Variants in PFKM observed in about 807,000 individuals in gnomAD.
PFKM encodes phosphofructokinase, muscle.
A neutral mutation model predicts 95.5 loss-of-function variants in PFKM; 58 were observed. The ratio of observed to expected loss-of-function variants is 0.61; its 90% CI spans 0.49 to 0.76. The LOEUF (loss-of-function observed/expected upper bound fraction) is 0.76, where lower values mean the gene tolerates loss of function less well. PFKM is among the 30% of genes least tolerant of loss of function. The pLI is 0.00. For missense variants in PFKM, 678 were observed against 1,005.4 expected (o/e 0.67, Z 4.40); for synonymous variants, 336 against 357.2 (o/e 0.94, Z 0.67).
intron 2 of PFKM, among the ~76,000 whole-genome samples, chr12:48,127,861 C>T (rs1366504564): frequency 1.3e-5 from 2 of 152,306 alleles, no homozygotes; most frequent in South Asian, 4.2e-4. Flanking sequence ...AATGTCCATG[C>T]CTGCAGAACT....
intron 1 of PFKM, 156 bp downstream of exon 1, chr12:48,119,562 G>A: frequency 3.8e-6 from 1 of 264,480 alleles, no homozygotes; most frequent in Non-Finnish European, 5.9e-6. Context: ...GATGGGCAGG[G>A]CAGTCGTGAA....
chr12:48,106,770 C>T (rs1217139617), intron 1 of PFKM, among the ~76,000 whole-genome samples: 4 of 152,120 alleles, frequency 2.6e-5, no homozygotes, highest in Admixed American at 1.3e-4. Context: ...AGATGTAGAA[C>T]CTTCCAGAAC....
chr12:48,138,518 G>C (rs1398410726), intron 11 of PFKM, among the ~76,000 whole-genome samples: 1 of 152,176 alleles, frequency 6.6e-6, no homozygotes, highest in African/African-American at 2.4e-5. Flanking sequence ...AGGAGTCCCA[G>C]TTACCTGCAG....
intron 10 of PFKM, among the ~76,000 whole-genome samples, chr12:48,136,692 C>CTTTTTTTT (rs1166389532): frequency 5.7e-4 from 36 of 63,014 alleles, no homozygotes; most frequent in Non-Finnish European, 7.9e-4. Context: ...GGGGTCGTCA[C>CTTTTTTTT]TTTTTTTTTT....
intron 7 of PFKM, 41 bp downstream of exon 7, chr12:48,134,317 C>T (rs374444302): frequency 1.2e-5 from 19 of 1,550,008 alleles, no homozygotes; most frequent in African/African-American, 5.4e-5. Context: ...GTGGACCTAG[C>T]GATAGCCCTT....
intron 3 of PFKM, among the ~76,000 whole-genome samples, chr12:48,109,339 C>A (rs1489832371): frequency 6.6e-6 from 1 of 150,936 alleles, no homozygotes; most frequent in Non-Finnish European, 1.5e-5. Flanking sequence ...CCCTCCCTTC[C>A]TTCTTTCTTC....
chr12:48,134,599 G>A (rs973932449), intron 7 of PFKM, 122 bp from the exon 8 acceptor site: 7 of 808,358 alleles, frequency 8.7e-6, no homozygotes, highest in African/African-American at 6.8e-5. Flanking sequence ...CTTGCCCCAC[G>A]AATAAAATGG....
upstream of PFKM, among the ~76,000 whole-genome samples, chr12:48,114,546 A>G (rs1172694224): frequency 6.6e-6 from 1 of 152,056 alleles, no homozygotes; most frequent in Non-Finnish European, 1.5e-5. Flanking sequence ...GCGGGGAGCG[A>G]CCTGAGGAGG....
rs370415753 is a variant in PFKM, at chr12:48,141,766, A to G, written c.1439A>G (p.Gln480Arg). ...KRTLPKKSFE[Q>R]ISANITKFNI... Reference sequence around the variant, plus strand: ...ACTCTACCCAAGAAGAGCTTTGAACAGATCAGTGCCAATATAACTAAGTTT... The same window carrying G: ...ACTCTACCCAAGAAGAGCTTTGAACGGATCAGTGCCAATATAACTAAGTTT... Residue 480 changes from glutamine (Q) to arginine (R), a missense_variant, in exon 16 of 23, where the codon CAG becomes CGG. Gln to Arg is a conservative substitution (Grantham distance 43, BLOSUM62 1). Coordinates refer to ENST00000359794, the MANE Select transcript of PFKM (RefSeq NM_000289.6). 123 of 1,613,348 alleles carry G rather than the reference A, an allele frequency of 7.6e-5. 1 individual carries two copies. The highest frequency in any genetic ancestry group is 9.9e-5 in the Non-Finnish European group (117 of 1,179,394).
intron 5 of PFKM, 42 bp downstream of exon 5, chr12:48,133,099 A>T: frequency 6.4e-7 from 1 of 1,566,100 alleles, no homozygotes; most frequent in Non-Finnish European, 8.8e-7. Context: ...TTGTGTCGGT[A>T]CGTGCACGCG....
At chr12:48,143,636 G>A in intron 18 of PFKM, 117 bp from the exon 19 acceptor site, 1 of 804,464 alleles carries the variant, frequency 1.2e-6, no homozygotes, top group Non-Finnish European at 2.2e-6. Context: ...GCCCAGGATT[G>A]TAAACAACTC....
At chr12:48,129,214 T>TC (rs1949181469) in intron 2 of PFKM, among the ~76,000 whole-genome samples, 2 of 59,452 alleles carry the variant, frequency 3.4e-5, no homozygotes, top group Non-Finnish European at 6.4e-5. Context: ...TTCTTTCTTT[T>TC]TTTTTTTTTT....
Position 48,107,962 on chromosome 12 carries a change from G to A in PFKM, c.83-110G>A, listed in dbSNP as rs1050456971. ...GTCTCTAATTTTTCACTGGATTTTT[G>A]GAAAGAAAGCCCTGGACAGCTCAGA... On this transcript the variant is annotated intron_variant, in intron 2 of 24. Transcript: ENST00000340802. The A allele has an allele frequency of 1.4e-5, 15 of 1,073,916 alleles. No homozygotes were observed. In the African/African-American group the frequency reaches 2.4e-4, roughly 17 times the overall value. 66.5% of individuals were successfully genotyped at this position (1,073,916 alleles called of 1,614,324 possible). A position where few individuals can be genotyped will look rare whatever the true frequency, so the allele number is the denominator to read the frequency against.
chr12:48,135,914 A>AGTCTCGCTCTGTCGC (rs1950038207), intron 10 of PFKM, among the ~76,000 whole-genome samples: 1 of 140,198 alleles, frequency 7.1e-6, no homozygotes, highest in African/African-American at 3.1e-5. Flanking sequence ...TTTGAGACGC[A>AGTCTCGCTCTGTCGC]CCATTGCACT....
In PFKM at chr12:48,145,800, T is replaced by G. The variant is rs1408468034; in HGVS notation, c.*92T>G. The G allele has an allele frequency of 1.0e-5, 14 of 1,402,206 alleles. No homozygotes were observed. The highest frequency in any genetic ancestry group is 1.3e-5 in the Non-Finnish European group (13 of 991,098). The allele number at this position is 1,402,206 out of a possible 1,614,324, so 86.9% of individuals were successfully genotyped here. ...CTTCTCAGTGTTTTAGCTGTTTTTT[T>G]CATTAGGTTTCCTTTTATTCTGTAC... is the stretch of plus-strand genomic sequence containing the variant. On this transcript the variant is annotated 3_prime_UTR_variant, in exon 23 of 23. Transcript: ENST00000359794. The surrounding 1 kb of genome is among the most constrained non-coding windows in gnomAD (Gnocchi z 4.3).
At position 48,145,845 on chromosome 12, in the gene PFKM, C is replaced by CA; in HGVS notation, c.*137_*138insA. 1.1e-6 allele frequency: 1 copy of CA among 941,480 alleles called. No homozygotes were observed. The highest frequency in any genetic ancestry group is 1.6e-6 in the Non-Finnish European group (1 of 607,566). 58.3% of individuals were successfully genotyped at this position (941,480 alleles called of 1,614,324 possible). On this transcript the variant is annotated 3_prime_UTR_variant, in exon 23 of 23. Coordinates refer to ENST00000359794, the MANE Select transcript of PFKM (RefSeq NM_000289.6). This position sits in a 1 kb window ranked among gnomAD's most constrained non-coding sequence, Gnocchi z 4.3. The stretch of plus-strand genomic sequence containing the variant: ...CTGTACCTTGCAGCCATGACCAGTT[C>CA]TGGCCAGGAGCTGGAGGAGCAGGCA...
upstream of PFKM, among the ~76,000 whole-genome samples, chr12:48,114,436 G>A (rs1446556617): frequency 3.9e-5 from 6 of 152,164 alleles, no homozygotes; most frequent in Middle Eastern, 3.2e-3. Context: ...GTCCTAGGAC[G>A]AAACTGTAAA....
At chr12:48,128,281 T>C (rs918644264) in intron 2 of PFKM, among the ~76,000 whole-genome samples, 2 of 137,694 alleles carry the variant, frequency 1.5e-5, no homozygotes, top group African/African-American at 2.7e-5. Flanking sequence ...CTCTCTCTCT[T>C]TTTTTCGAGA....
chr12:48,141,168 G>T, intron 14 of PFKM, 143 bp from the exon 15 acceptor site: 1 of 795,810 alleles, frequency 1.3e-6, no homozygotes, highest in South Asian at 1.5e-5. Flanking sequence ...AGTTGAGTGC[G>T]TGGGGAAAAG....
Sources: allele counts gnomAD v4.1 joint callset (sites outside exome capture counted in the v4.1 genomes callset), GRCh38; gene constraint gnomAD v4.1.1; non-coding constraint Gnocchi (gnomAD v3.1); transcripts MANE v1.5; gene names NCBI Gene and HGNC (gene_info 2026-07-23, HGNC 2026-07-21).